Variants in ZFHX3 observed in about 807,000 individuals in gnomAD.
The protein encoded by ZFHX3 is zinc finger homeobox protein 3.
Under a neutral mutation model 279.1 loss-of-function variants are expected in ZFHX3, and 42 were observed. The observed-to-expected ratio is 0.15, with a 90% CI of 0.12 to 0.19. ZFHX3 has a LOEUF of 0.19. Ranked by LOEUF, ZFHX3 falls within the 10% of genes least tolerant of loss-of-function variation. The pLI is 1.00. For missense variants in ZFHX3, 4,981 were observed against 4,754.0 expected (o/e 1.05, Z -1.40); for synonymous variants, 2,293 against 1,957.8 (o/e 1.17, Z -4.52).
At chr16:73,312,839 T>C (rs546884795) in intron 4 of ZFHX3, among the ~76,000 whole-genome samples, 17 of 152,362 alleles carry the variant, frequency 1.1e-4, no homozygotes, top group Non-Finnish European at 2.4e-4. Flanking sequence ...TCATCATAAC[T>C]GTAGTTGCAA....
chr16:72,914,478 G>A (rs1466914685), intron 3 of ZFHX3, among the ~76,000 whole-genome samples: 5 of 152,122 alleles, frequency 3.3e-5, no homozygotes, highest in Admixed American at 6.6e-5. Context: ...ATAAAGCTCA[G>A]AGGTCAGGAA....
At chr16:72,837,451 C>A (rs997972808) in intron 4 of ZFHX3, among the ~76,000 whole-genome samples, 1 of 150,974 alleles carries the variant, frequency 6.6e-6, no homozygotes, top group African/African-American at 2.4e-5. Context: ...AAAACTCAGA[C>A]ATGCGCCCTG....
At chr16:73,807,220 A>C (rs866904929) in intron 1 of ZFHX3, among the ~76,000 whole-genome samples, 38 of 152,130 alleles carry the variant, frequency 2.5e-4, no homozygotes, top group Admixed American at 8.5e-4. Flanking sequence ...GTGTGAATAC[A>C]TCATTTTTCA....
intron 1 of ZFHX3, among the ~76,000 whole-genome samples, chr16:73,726,176 G>C (rs1316203848): frequency 1.3e-5 from 2 of 152,166 alleles, no homozygotes; most frequent in Non-Finnish European, 2.9e-5. Flanking sequence ...AGAAAGTCTA[G>C]GGGCGAGGGG....
intron 3 of ZFHX3, among the ~76,000 whole-genome samples, chr16:73,427,256 C>A (rs955152775): frequency 1.3e-5 from 2 of 152,164 alleles, no homozygotes; most frequent in African/African-American, 4.8e-5. Flanking sequence ...CTGTGTCTAC[C>A]TATCATTTGT....
At chr16:73,568,155 T>C (rs1013591822) in intron 2 of ZFHX3, among the ~76,000 whole-genome samples, 1 of 152,228 alleles carries the variant, frequency 6.6e-6, no homozygotes, top group Admixed American at 6.5e-5. Context: ...TCTCCCTTTG[T>C]TTTTAAGTTA....
At chr16:72,985,778 G>A (rs1962815256) in intron 1 of ZFHX3, among the ~76,000 whole-genome samples, 1 of 152,222 alleles carries the variant, frequency 6.6e-6, no homozygotes, top group Non-Finnish European at 1.5e-5. Context: ...GCTGTGACCA[G>A]AGCAGTCTTC....
At chr16:73,843,672 C>G (rs149372303) in intron 1 of ZFHX3, among the ~76,000 whole-genome samples, 1 of 152,324 alleles carries the variant, frequency 6.6e-6, no homozygotes, top group Non-Finnish European at 1.5e-5. Flanking sequence ...CCGCTTCTCA[C>G]AGCAAGATAC....
Position 73,473,525 on chromosome 16 carries a change from A to T in ZFHX3, c.-1546-17267T>A, listed in dbSNP as rs181865998. On this transcript the variant is annotated intron_variant, in intron 2 of 17. Transcript: ENST00000641206. Reference sequence around the variant, plus strand: ...GAGAGTCCTGGCCTATGTTTGATCGACTCATTCGAATTATATGAGACCAGA... The same window carrying T: ...GAGAGTCCTGGCCTATGTTTGATCGTCTCATTCGAATTATATGAGACCAGA... 2.3e-3 allele frequency among the ~76,000 whole-genome samples: 350 copies of T among 152,042 alleles called. 3 individuals carry two copies. Among genetic ancestry groups the T allele is most frequent in the Non-Finnish European group, 5.1e-4 (35 of 67,986 alleles).
At chr16:73,398,859 T>TTC (rs2017186721) in intron 3 of ZFHX3, among the ~76,000 whole-genome samples, 1 of 151,350 alleles carries the variant, frequency 6.6e-6, no homozygotes, top group Non-Finnish European at 1.5e-5. Flanking sequence ...GGCAGTGGTT[T>TTC]TTTTTGTTTT....
At chr16:73,350,340 T>G (rs950235989) in intron 3 of ZFHX3, among the ~76,000 whole-genome samples, 1 of 152,184 alleles carries the variant, frequency 6.6e-6, no homozygotes, top group African/African-American at 2.4e-5. Context: ...GTTTGGGATG[T>G]GAAATGTAAA....
intron 3 of ZFHX3, among the ~76,000 whole-genome samples, chr16:72,928,647 T>C (rs1222924692): frequency 6.6e-6 from 1 of 152,168 alleles, no homozygotes; most frequent in African/African-American, 2.4e-5. Flanking sequence ...TTTACCTCCC[T>C]CACCAGTAGC....
chr16:72,824,943 G>C (rs2036896398), intron 5 of ZFHX3, among the ~76,000 whole-genome samples: 1 of 152,250 alleles, frequency 6.6e-6, no homozygotes. Context: ...GTGCATTAGG[G>C]AAGAGAACAA....
At chr16:72,948,967 T>C (rs187616975) in intron 3 of ZFHX3, among the ~76,000 whole-genome samples, 8 of 152,338 alleles carry the variant, frequency 5.3e-5, no homozygotes, top group South Asian at 2.1e-4. Context: ...GATAAGGGGA[T>C]TGGATGCGTG....
At chr16:72,890,913 G>A (rs182639225) in intron 3 of ZFHX3, among the ~76,000 whole-genome samples, 16 of 152,342 alleles carry the variant, frequency 1.1e-4, no homozygotes, top group Admixed American at 9.8e-4. Context: ...TATTACTATA[G>A]AAATGTGCTA....
At chr16:73,550,448 C>T (rs1351602207) in intron 2 of ZFHX3, among the ~76,000 whole-genome samples, 9 of 152,156 alleles carry the variant, frequency 5.9e-5, no homozygotes, top group South Asian at 2.1e-4. Context: ...GGAGAACGCC[C>T]GCCGTCCCTG....
rs188323221 is a variant in ZFHX3, at chr16:73,800,596, T to C, written c.-1608+91055A>G. On this transcript the variant is annotated intron_variant, in intron 1 of 17. Transcript: ENST00000641206. ...TCCTCTTTCCCCCTGTTCTGAAGCT[T>C]GTCCATAAATTCTACTCTTGCCAGT... Among the ~76,000 whole-genome samples, 75 of 152,226 alleles carry C rather than the reference T, an allele frequency of 4.9e-4. 1 individual carries two copies. Among genetic ancestry groups the C allele is most frequent in the African/African-American group, 1.8e-3 (75 of 41,544 alleles).
intron 4 of ZFHX3, among the ~76,000 whole-genome samples, chr16:72,873,539 A>G (rs2038220118): frequency 6.6e-6 from 1 of 152,126 alleles, no homozygotes; most frequent in East Asian, 1.9e-4. Context: ...GTGTTTATAG[A>G]TTTTCCCTTT....
At chr16:72,874,742 C>T (rs531253713) in intron 4 of ZFHX3, among the ~76,000 whole-genome samples, 1 of 152,232 alleles carries the variant, frequency 6.6e-6, no homozygotes, top group East Asian at 1.9e-4. Flanking sequence ...TATCCTCCTG[C>T]CACGGCCTCC....
Sources: allele counts gnomAD v4.1 joint callset (sites outside exome capture counted in the v4.1 genomes callset), GRCh38; gene constraint gnomAD v4.1.1; transcripts MANE v1.5; gene names NCBI Gene and HGNC (gene_info 2026-07-23, HGNC 2026-07-21).